TMEM98: variants seen among roughly 807,000 people sequenced by gnomAD.
The protein encoded by TMEM98 is transmembrane protein 98.
Under a neutral mutation model 25.0 loss-of-function variants are expected in TMEM98, and 18 were observed. That is an observed-to-expected ratio of 0.72 (90% CI 0.50 to 1.07). The LOEUF (loss-of-function observed/expected upper bound fraction) is 1.07. TMEM98 is among the 50% of genes least tolerant of loss of function. The pLI, the probability that TMEM98 is intolerant of heterozygous loss-of-function variation, is 0.00. For synonymous variants in TMEM98, 103 were observed against 112.4 expected, an observed-to-expected ratio of 0.92 and a Z score of 0.53; for missense variants, 241 against 289.0, an observed-to-expected ratio of 0.83 and a Z score of 1.20.
At chr17:32,929,060 A>G (rs1366939311) in intron 1 of TMEM98, among the ~76,000 whole-genome samples, 1 of 151,468 alleles carries the variant, frequency 6.6e-6, no homozygotes, top group East Asian at 1.9e-4. Context: ...GCTCACACAC[A>G]CTCAGAAACA....
rs2091484723 is a variant in TMEM98 at position 32,934,339 on chromosome 17, T to C, written c.297+15T>C. The C allele has an allele frequency of 1.9e-6, 3 of 1,613,976 alleles. No homozygotes were observed. The South Asian group carries it at 3.3e-5, about 18-fold the overall frequency. ...CCATCTTGAAGGTAACCCTCTCTTA[T>C]TTCTCTGTGGGATAAAGGGTAGTCG... On this transcript the variant is annotated intron_variant, in intron 5 of 7. Transcript: ENST00000579849.
chr17:32,936,578 C>T lies in TMEM98; in HGVS notation c.413+131C>T, dbSNP rs375337390. On this transcript the variant is annotated intron_variant, in intron 6 of 7. Coordinates refer to ENST00000579849, the MANE Select transcript of TMEM98 (RefSeq NM_015544.3). ...CAACTTCAGCTATTTGTTTCCCACA[C>T]ATTTACAGAGTGACCAGGAGGGTTT... 2.0e-5 allele frequency: 15 copies of T among 760,104 alleles called. No individual in the cohort carries two copies. The East Asian group carries it at 3.7e-4, about 19-fold the overall frequency. 47.1% of individuals were successfully genotyped at this position (760,104 alleles called of 1,614,324 possible). A position where few individuals can be genotyped will look rare whatever the true frequency, so the allele number is the denominator to read the frequency against.
chr17:32,939,130 G>C (rs1427695872), intron 6 of TMEM98, among the ~76,000 whole-genome samples: 1 of 152,170 alleles, frequency 6.6e-6, no homozygotes, highest in African/African-American at 2.4e-5. Context: ...AAGGGGCCAG[G>C]CGTGTGGCTC....
chr17:32,929,153 C>T (rs2091451515), intron 1 of TMEM98, among the ~76,000 whole-genome samples: 1 of 151,892 alleles, frequency 6.6e-6, no homozygotes, highest in African/African-American at 2.4e-5. Context: ...AGAAAACACT[C>T]AGAAACATAG....
At chr17:32,928,731 C>T (rs1200967356) in intron 1 of TMEM98, among the ~76,000 whole-genome samples, 1 of 151,282 alleles carries the variant, frequency 6.6e-6, no homozygotes, top group Non-Finnish European at 1.5e-5. Flanking sequence ...GAGAAGCACA[C>T]TTAAGATAAA....
rs774760952 is a variant in TMEM98, at chr17:32,932,094, ATT to A, written c.131+457_131+458del. 6.4e-3 allele frequency among the ~76,000 whole-genome samples: 760 copies of A among 118,924 alleles called. 2 individuals are homozygous for A. Among genetic ancestry groups the A allele is most frequent in the African/African-American group, 0.021 (604 of 28,800 alleles). The allele number at this position is 118,924 out of a possible 152,430, so 78.0% of individuals were successfully genotyped here. A position where few individuals can be genotyped will look rare whatever the true frequency, so the allele number is the denominator to read the frequency against. On this transcript the variant is annotated intron_variant, in intron 3 of 7. Transcript: ENST00000579849. ...GACTGTTTCTCTCTTTGCACAGCAG[ATT>A]TTTTTTTTTTTTTTTTTTTTTGAGA...
At chr17:32,933,569 G>C (rs1435576715) in intron 4 of TMEM98, among the ~76,000 whole-genome samples, 1 of 152,176 alleles carries the variant, frequency 6.6e-6, no homozygotes, top group Non-Finnish European at 1.5e-5. Context: ...GGTGTGCTTT[G>C]GTTATCCTTG....
At chr17:32,934,778 T>C (rs1214537797) in intron 5 of TMEM98, among the ~76,000 whole-genome samples, 1 of 152,250 alleles carries the variant, frequency 6.6e-6, no homozygotes, top group Non-Finnish European at 1.5e-5. Flanking sequence ...TCTTTGGCTG[T>C]GACCGTAGTC....
intron 6 of TMEM98, 100 bp downstream of exon 6, chr17:32,936,547 C>A (rs752209434): frequency 1.0e-6 from 1 of 956,004 alleles, no homozygotes; most frequent in Non-Finnish European, 1.6e-6. Context: ...TAAAATGGTG[C>A]ACAGGCAACT....
chr17:32,929,803 C>G (rs1034687645), intron 1 of TMEM98, among the ~76,000 whole-genome samples: 1 of 152,198 alleles, frequency 6.6e-6, no homozygotes, highest in African/African-American at 2.4e-5. Context: ...AAACCCAGCT[C>G]TAGCCTCACC....
chr17:32,933,799 T>TA (rs2091481951), intron 4 of TMEM98, among the ~76,000 whole-genome samples: 1 of 152,162 alleles, frequency 6.6e-6, no homozygotes, highest in African/African-American at 2.4e-5. Flanking sequence ...AAAAGACAGT[T>TA]ATAGTCAGTA....
intron 5 of TMEM98, among the ~76,000 whole-genome samples, chr17:32,934,925 G>A (rs551174425): frequency 6.6e-6 from 1 of 152,248 alleles, no homozygotes; most frequent in African/African-American, 2.4e-5. Context: ...TATGGTTTTA[G>A]CATTTGTTTT....
At chr17:32,934,597 C>T (rs1234950428) in intron 5 of TMEM98, among the ~76,000 whole-genome samples, 3 of 152,212 alleles carry the variant, frequency 2.0e-5, no homozygotes, top group African/African-American at 7.2e-5. Context: ...CACCATTTCA[C>T]TCCTCTTGGA....
At position 32,942,395 on chromosome 17, in the gene TMEM98, A is replaced by G. The variant is rs2091535666; in HGVS notation, c.*1402A>G. ...AGGTTCGTAGCCTATGCTGTCAAGC[A>G]TGTTTGGAGTTGCACATCTGTTCCC... On this transcript the variant is annotated 3_prime_UTR_variant, in exon 8 of 8. Coordinates refer to ENST00000579849, the MANE Select transcript of TMEM98 (RefSeq NM_015544.3). 6.6e-6 allele frequency: 1 copy of G among 152,244 alleles called. No individual in the cohort carries two copies. Among genetic ancestry groups the G allele is most frequent in the Non-Finnish European group, 1.5e-5 (1 of 68,042 alleles). 9.4% of individuals were successfully genotyped at this position (152,244 alleles called of 1,614,324 possible).
intron 6 of TMEM98, among the ~76,000 whole-genome samples, chr17:32,939,268 A>T (rs1304899025): frequency 1.3e-5 from 2 of 152,078 alleles, no homozygotes; most frequent in Non-Finnish European, 2.9e-5. Context: ...TTAGCTGGGC[A>T]TGGTGGCGCG....
Position 32,939,478 on chromosome 17 carries a change from G to A in TMEM98, c.415G>A (p.Val139Met), listed in dbSNP as rs758327656. ...TGAACACCTTTTGCCTCCGGTCAGG[G>A]TGGATGATGTTGTGAAGTCGATGTA... is the stretch of plus-strand genomic sequence containing the variant. ...IVVAKRISPR[V>M]DDVVKSMYPP... Residue 139 changes from valine (V) to methionine (M), a missense_variant and splice_region_variant, in exon 7 of 8, where the codon GTG (valine) becomes ATG (methionine). Physicochemically the swap from Val to Met is conservative, Grantham distance 21. Coordinates refer to ENST00000579849, the MANE Select transcript of TMEM98 (RefSeq NM_015544.3). 12 of 1,613,848 alleles carry A rather than the reference G, an allele frequency of 7.4e-6. No homozygotes were observed. The South Asian group carries it at 7.7e-5, about 10-fold the overall frequency.
intron 7 of TMEM98, among the ~76,000 whole-genome samples, chr17:32,939,955 G>A (rs139040355): frequency 2.0e-3 from 300 of 152,274 alleles, no homozygotes; most frequent in Admixed American, 3.6e-3. Context: ...AGCCACAGCT[G>A]TGCTCACCTG....
intron 4 of TMEM98, 147 bp downstream of exon 4, chr17:32,933,452 C>G: frequency 1.8e-6 from 2 of 1,128,082 alleles, no homozygotes; most frequent in South Asian, 3.0e-5. Context: ...GGGGGAAAAT[C>G]AGAATATGAC....
chr17:32,940,179 C>T (rs974986475), intron 7 of TMEM98, among the ~76,000 whole-genome samples: 6 of 152,168 alleles, frequency 3.9e-5, no homozygotes, highest in Admixed American at 3.9e-4. Flanking sequence ...GAGCTTTGTC[C>T]GTGGGTTAAT....
Sources: gnomAD v4.1 joint callset for allele counts (sites outside exome capture counted in the v4.1 genomes callset) on GRCh38, gnomAD v4.1.1 for gene constraint, MANE v1.5 for transcripts, NCBI Gene and HGNC (gene_info 2026-07-23, HGNC 2026-07-21) for gene names.